HACE1: variants seen among roughly 807,000 people sequenced by gnomAD.
HACE1 encodes HECT domain and ankyrin repeat containing E3 ubiquitin protein ligase 1.
In HACE1, 73 loss-of-function variants were observed where a neutral mutation model predicts 118.4. The ratio of observed to expected loss-of-function variants is 0.62; its 90% confidence interval spans 0.51 to 0.75. HACE1 has a LOEUF of 0.75. Among genes scored for constraint, HACE1 ranks in the 30% least tolerant of loss-of-function variants. The pLI is 0.00. For synonymous variants in HACE1, 368 were observed against 374.8 expected, an observed-to-expected ratio of 0.98 and a Z score of 0.21; for missense variants, 749 against 1,102.2, an observed-to-expected ratio of 0.68 and a Z score of 4.54.
rs1775242919 is a variant in HACE1, at chr6:104,842,784, C to G, written c.402+439G>C. 3.3e-5 allele frequency among the ~76,000 whole-genome samples: 5 copies of G among 152,214 alleles called. No homozygotes were observed. The South Asian group carries it at 1.0e-3, about 32-fold the overall frequency. ...ATCTTAATATAGCTTAAAACTTTAT[C>G]TCAAATCATTCTACACCTTCTTAAT... On this transcript the variant is annotated intron_variant, in intron 5 of 23. Transcript: ENST00000262903.
chr6:104,835,320 A>C (rs940305540), intron 5 of HACE1, among the ~76,000 whole-genome samples: 3 of 152,184 alleles, frequency 2.0e-5, no homozygotes, highest in African/African-American at 7.2e-5. Context: ...TTTAAAGCAA[A>C]AAGTAGGGGG....
At chr6:104,830,293 C>A (rs1020423977) in intron 6 of HACE1, among the ~76,000 whole-genome samples, 1 of 152,100 alleles carries the variant, frequency 6.6e-6, no homozygotes, top group Admixed American at 6.5e-5. Context: ...TTTTTTCCCA[C>A]ATAGAATACG....
At chr6:104,852,080 C>A (rs1463513976) in intron 2 of HACE1, among the ~76,000 whole-genome samples, 1 of 152,136 alleles carries the variant, frequency 6.6e-6, no homozygotes, top group African/African-American at 2.4e-5. Context: ...TTAAGAAAAT[C>A]TATCATAAAA....
At chr6:104,845,968 A>G (rs1399044094) in intron 4 of HACE1, 1 of 152,244 alleles carries the variant, frequency 6.6e-6, no homozygotes, top group African/African-American at 2.4e-5. Flanking sequence ...AAAACCTTTC[A>G]GAAGCCTATT....
chr6:104,796,402 G>A (rs187242064), intron 9 of HACE1, among the ~76,000 whole-genome samples: 1 of 152,202 alleles, frequency 6.6e-6, no homozygotes, highest in East Asian at 1.9e-4. Context: ...GAGATACCAC[G>A]CCCAGCCTAT....
intron 19 of HACE1, among the ~76,000 whole-genome samples, chr6:104,764,154 T>G (rs1377255979): frequency 6.6e-6 from 1 of 152,206 alleles, no homozygotes; most frequent in Non-Finnish European, 1.5e-5. Context: ...CTTGGTTCAC[T>G]GCAACCTCCA....
intron 19 of HACE1, among the ~76,000 whole-genome samples, chr6:104,759,507 CA>C (rs1328061382): frequency 6.6e-6 from 1 of 152,058 alleles, no homozygotes; most frequent in Non-Finnish European, 1.5e-5. Context: ...CCAATGAGAA[CA>C]AAGACACAAC....
At chr6:104,835,842 G>T (rs924805032) in intron 5 of HACE1, among the ~76,000 whole-genome samples, 1 of 152,090 alleles carries the variant, frequency 6.6e-6, no homozygotes, top group Non-Finnish European at 1.5e-5. Context: ...AATCAAAACA[G>T]GTTTCATATA....
intron 6 of HACE1, among the ~76,000 whole-genome samples, chr6:104,816,224 G>A (rs772237191): frequency 1.3e-5 from 2 of 152,220 alleles, no homozygotes; most frequent in African/African-American, 4.8e-5. Flanking sequence ...TAATAACCAA[G>A]ACAACAGGAA....
intron 22 of HACE1, among the ~76,000 whole-genome samples, chr6:104,736,196 C>CA (rs1432518228): frequency 6.6e-6 from 1 of 150,614 alleles, no homozygotes; most frequent in Non-Finnish European, 1.5e-5. Flanking sequence ...CATTCAGAGG[C>CA]AAAAAACAAA....
At chr6:104,807,736 A>G (rs1450774398) in intron 7 of HACE1, among the ~76,000 whole-genome samples, 4 of 152,206 alleles carry the variant, frequency 2.6e-5, no homozygotes, top group Non-Finnish European at 5.9e-5. Context: ...TATATTTTAC[A>G]TGACAGAAGG....
intron 18 of HACE1, among the ~76,000 whole-genome samples, chr6:104,771,638 T>C (rs1458587424): frequency 1.4e-5 from 2 of 147,536 alleles, no homozygotes; most frequent in African/African-American, 5.0e-5. Context: ...ACTTCAAAAA[T>C]GCCAATTATC....
At chr6:104,822,805 G>A (rs1045982540) in intron 6 of HACE1, among the ~76,000 whole-genome samples, 6 of 151,842 alleles carry the variant, frequency 4.0e-5, no homozygotes, top group Non-Finnish European at 5.9e-5. Flanking sequence ...TGCAGTGAGC[G>A]GAGATCGCGC....
intron 7 of HACE1, among the ~76,000 whole-genome samples, chr6:104,797,447 T>A: frequency 6.7e-6 from 1 of 148,814 alleles, no homozygotes. Context: ...ACCTCAAGAG[T>A]CAGAACAAAA....
intron 17 of HACE1, among the ~76,000 whole-genome samples, chr6:104,775,064 A>T (rs1781083462): frequency 6.6e-6 from 1 of 152,188 alleles, no homozygotes; most frequent in South Asian, 2.1e-4. Flanking sequence ...ATGTTTGGCC[A>T]GACGTAGTAG....
At chr6:104,784,546 A>G in intron 12 of HACE1, 61 bp from the exon 13 acceptor site, 1 of 1,142,324 alleles carries the variant, frequency 8.8e-7, no homozygotes, top group Non-Finnish European at 1.3e-6. Context: ...AATATAGCGA[A>G]CTTGATAAAT....
intron 19 of HACE1, among the ~76,000 whole-genome samples, chr6:104,765,716 C>T (rs538905994): frequency 1.3e-5 from 2 of 152,276 alleles, no homozygotes; most frequent in East Asian, 1.9e-4. Flanking sequence ...TGTTTATGAT[C>T]GGCATACCAT....
At chr6:104,737,282 C>CAAAAAAAA (rs59915070) in intron 22 of HACE1, among the ~76,000 whole-genome samples, 30 of 42,708 alleles carry the variant, frequency 7.0e-4, no homozygotes, top group African/African-American at 2.0e-3. Flanking sequence ...GACTCTCTCT[C>CAAAAAAAA]AAAAAAAAAA....
chr6:104,846,662 G>A (rs1775698923), intron 4 of HACE1, among the ~76,000 whole-genome samples: 1 of 152,152 alleles, frequency 6.6e-6, no homozygotes, highest in Non-Finnish European at 1.5e-5. Flanking sequence ...CAAAAAGCTG[G>A]CCCCAAAACG....
Sources: allele counts gnomAD v4.1 joint callset (sites outside exome capture counted in the v4.1 genomes callset), GRCh38; gene constraint gnomAD v4.1.1; transcripts MANE v1.5; gene names NCBI Gene and HGNC (gene_info 2026-07-23, HGNC 2026-07-21).